The following ATP8A2 variants were observed in gnomAD, a reference collection of about 807,000 sequenced individuals.
The protein encoded by ATP8A2 is ATPase phospholipid transporting 8A2, also known as phospholipid-transporting ATPase IB.
Under a neutral mutation model 165.6 loss-of-function variants are expected in ATP8A2, and 100 were observed. The observed-to-expected ratio is 0.60, with a 90% CI of 0.51 to 0.71. The LOEUF (loss-of-function observed/expected upper bound fraction) is 0.71. ATP8A2 is among the 30% of genes least tolerant of loss of function. The pLI, the probability that ATP8A2 is intolerant of heterozygous loss-of-function variation, is 0.00. For missense variants in ATP8A2, 1,227 were observed against 1,479.5 expected, an observed-to-expected ratio of 0.83 and a Z score of 2.80; for synonymous variants, 543 against 548.8, an observed-to-expected ratio of 0.99 and a Z score of 0.15.
At chr13:25,891,672 T>C (rs1242521485) in intron 33 of ATP8A2, among the ~76,000 whole-genome samples, 1 of 152,108 alleles carries the variant, frequency 6.6e-6, no homozygotes, top group Non-Finnish European at 1.5e-5. Flanking sequence ...ACTGATAATT[T>C]ATCTATTCAT....
At chr13:25,891,285 G>A (rs1035428769) in intron 33 of ATP8A2, among the ~76,000 whole-genome samples, 1 of 152,266 alleles carries the variant, frequency 6.6e-6, no homozygotes, top group South Asian at 2.1e-4. Flanking sequence ...TTCAGAATGG[G>A]ATAGAAATCA....
chr13:25,809,568 G>A (rs1017769320), intron 27 of ATP8A2, among the ~76,000 whole-genome samples: 5 of 151,840 alleles, frequency 3.3e-5, no homozygotes, highest in African/African-American at 1.2e-4. Context: ...CAGCTGTATT[G>A]CCCTCTTTAC....
chr13:25,609,519 A>AATATGTATATATTTGGGATTCAAATAT (rs2040601738), intron 24 of ATP8A2, among the ~76,000 whole-genome samples: 6 of 35,940 alleles, frequency 1.7e-4, no homozygotes, highest in African/African-American at 3.1e-4. Context: ...AAGGATTCCA[A>AATATGTATATATTTGGGATTCAAATAT]ATATATATAT....
intron 24 of ATP8A2, among the ~76,000 whole-genome samples, chr13:25,650,936 C>A (rs2041797034): frequency 6.6e-6 from 1 of 151,782 alleles, no homozygotes; most frequent in African/African-American, 2.4e-5. Context: ...ATGTAATTTG[C>A]CTATAGTGTT....
At position 25,435,410 on chromosome 13, in the gene ATP8A2, C is replaced by T. The variant is rs977195410; in HGVS notation, c.77-33567C>T. Among the ~76,000 whole-genome samples the T allele has an allele frequency of 4.6e-5, 7 of 152,112 alleles. 1 individual carries two copies. Among genetic ancestry groups the T allele is most frequent in the Admixed American group, 1.3e-4 (2 of 15,262 alleles). ...CTGAGATTACAGGCGTGAACCACCG[C>T]GCCCGGCTGGAAATCTTTAATTATA... is the stretch of plus-strand genomic sequence containing the variant. On this transcript the variant is annotated intron_variant, in intron 1 of 36. Coordinates refer to ENST00000381655, the MANE Select transcript of ATP8A2 (RefSeq NM_016529.6).
At chr13:25,614,073 ATC>A (rs2040760013) in intron 24 of ATP8A2, among the ~76,000 whole-genome samples, 1 of 152,088 alleles carries the variant, frequency 6.6e-6, no homozygotes, top group South Asian at 2.1e-4. Context: ...TGTAGTCTAG[ATC>A]TCTAGCAAAG....
Position 25,551,439 on chromosome 13 carries a change from C to A in ATP8A2, c.993C>A (p.Ser331Arg). The A allele has an allele frequency of 6.2e-7, 1 of 1,614,092 alleles. No homozygotes were observed. The highest frequency in any genetic ancestry group is 8.5e-7 in the Non-Finnish European group (1 of 1,179,968). Residue 331 changes from serine (S) to arginine (R), a missense_variant, in exon 11 of 37, where the codon AGC (serine) becomes AGA (arginine). Transcript: ENST00000381655. ...FGILLVMALV[S>R]SAGALYWNRS... ...TCCTCTTGGTCATGGCCTTGGTGAG[C>A]TCGGCGGGGGCCCTGTACTGGAACA...
chr13:25,480,444 C>T (rs1358148702), intron 2 of ATP8A2, among the ~76,000 whole-genome samples: 4 of 146,936 alleles, frequency 2.7e-5, no homozygotes, highest in South Asian at 2.2e-4. Flanking sequence ...TCAGATGGGG[C>T]GGCTGGGCAG....
chr13:25,656,802 C>T (rs1458244141), intron 24 of ATP8A2, among the ~76,000 whole-genome samples: 1 of 149,860 alleles, frequency 6.7e-6, no homozygotes, highest in Non-Finnish European at 1.5e-5. Context: ...CCTGTAATTC[C>T]AGCATTTTGG....
At chr13:25,514,778 A>G (rs1477869872) in intron 2 of ATP8A2, among the ~76,000 whole-genome samples, 3 of 152,028 alleles carry the variant, frequency 2.0e-5, no homozygotes, top group Admixed American at 2.0e-4. Context: ...CTTTTCCATC[A>G]TTGATGTCTC....
At chr13:25,511,742 A>C (rs2037231548) in intron 2 of ATP8A2, among the ~76,000 whole-genome samples, 1 of 152,136 alleles carries the variant, frequency 6.6e-6, no homozygotes, top group Non-Finnish European at 1.5e-5. Context: ...AAAAATATTT[A>C]GTATTCTATA....
chr13:25,634,820 G>A (rs1171369854), intron 24 of ATP8A2, among the ~76,000 whole-genome samples: 1 of 152,124 alleles, frequency 6.6e-6, no homozygotes, highest in Non-Finnish European at 1.5e-5. Context: ...ATCTGATCAA[G>A]CAGAGGCCTC....
At position 25,769,226 on chromosome 13, in the gene ATP8A2, A is replaced by G. The variant is rs775277527; in HGVS notation, c.2565A>G (p.Ala855=). Residue 855 remains alanine (A), a synonymous_variant, in exon 26 of 37, where the codon GCA becomes GCG. Transcript: ENST00000381655. ...QATNNSDYAI[A]QFSYLEKLLL... is the part of the protein sequence containing the mutation. Reference sequence around the variant, plus strand: ...CCAACAACTCGGATTACGCCATCGCACAGGTCAGCAGCTTGGGCGTCCAGC... The same window carrying G: ...CCAACAACTCGGATTACGCCATCGCGCAGGTCAGCAGCTTGGGCGTCCAGC... The G allele has an allele frequency of 1.9e-6, 3 of 1,608,960 alleles. No individual in the cohort carries two copies. The South Asian group carries it at 3.3e-5, about 18-fold the overall frequency.
At chr13:26,002,235 TACTC>T (rs1956641697) in intron 35 of ATP8A2, among the ~76,000 whole-genome samples, 2 of 152,178 alleles carry the variant, frequency 1.3e-5, no homozygotes, top group African/African-American at 4.8e-5. Flanking sequence ...TCTTAAAACT[TACTC>T]CTTTTGATGA....
At chr13:25,824,416 T>C (rs1203370557) in intron 27 of ATP8A2, among the ~76,000 whole-genome samples, 1 of 152,246 alleles carries the variant, frequency 6.6e-6, no homozygotes, top group Non-Finnish European at 1.5e-5. Context: ...TCATTAGCTC[T>C]CTTAGTCTCA....
intron 2 of ATP8A2, among the ~76,000 whole-genome samples, chr13:25,489,918 C>T (rs1472747717): frequency 6.6e-6 from 1 of 152,188 alleles, no homozygotes; most frequent in Non-Finnish European, 1.5e-5. Flanking sequence ...AATGGAGGTA[C>T]ATTTGGGATT....
intron 35 of ATP8A2, among the ~76,000 whole-genome samples, chr13:25,985,805 C>T (rs1488989612): frequency 6.6e-6 from 1 of 152,180 alleles, no homozygotes; most frequent in Non-Finnish European, 1.5e-5. Flanking sequence ...CCCTACAGTC[C>T]AGGAAATACC....
chr13:25,547,662 A>C (rs2038694179), intron 10 of ATP8A2, among the ~76,000 whole-genome samples: 1 of 152,134 alleles, frequency 6.6e-6, no homozygotes, highest in Non-Finnish European at 1.5e-5. Context: ...GTCACCCCAA[A>C]ACCATCCCCA....
intron 9 of ATP8A2, among the ~76,000 whole-genome samples, chr13:25,542,616 C>A (rs1472822425): frequency 6.6e-6 from 1 of 152,074 alleles, no homozygotes; most frequent in Non-Finnish European, 1.5e-5. Context: ...CTTGCCAATG[C>A]CCCCTCCAAC....
Sources: gnomAD v4.1 joint callset for allele counts (sites outside exome capture counted in the v4.1 genomes callset) on GRCh38, gnomAD v4.1.1 for gene constraint, MANE v1.5 for transcripts, NCBI Gene and HGNC (gene_info 2026-07-23, HGNC 2026-07-21) for gene names.